Variants in KCNIP4 observed in about 807,000 individuals in gnomAD.
KCNIP4 encodes the protein Kv channel-interacting protein 4.
KCNIP4 carries 12 observed loss-of-function variants against 34.0 expected under a neutral mutation model. The observed-to-expected ratio is 0.35, with a 90% CI of 0.23 to 0.57. KCNIP4 has a LOEUF of 0.57. KCNIP4 is among the 20% of genes least tolerant of loss of function. The pLI, the probability that KCNIP4 is intolerant of heterozygous loss-of-function variation, is 0.83. For missense variants in KCNIP4, 238 were observed against 311.7 expected (o/e 0.76, Z 1.78); for synonymous variants, 124 against 102.2 (o/e 1.21, Z -1.29).
intron 1 of KCNIP4, among the ~76,000 whole-genome samples, chr4:21,437,704 G>T (rs950519517): frequency 6.6e-6 from 1 of 152,102 alleles, no homozygotes; most frequent in Admixed American, 6.5e-5. Flanking sequence ...AACTAAATAC[G>T]CAGTGATAGT....
intron 1 of KCNIP4, chr4:21,697,493 A>G (rs1043510952): frequency 6.6e-7 from 1 of 1,506,798 alleles, no homozygotes; most frequent in Non-Finnish European, 8.8e-7. Context: ...CAATAATAAT[A>G]ATAATAATAA....
chr4:20,852,135 C>T (rs1721101075), intron 2 of KCNIP4, among the ~76,000 whole-genome samples: 1 of 150,562 alleles, frequency 6.6e-6, no homozygotes, highest in African/African-American at 2.4e-5. Context: ...TTCTATGAAG[C>T]ATCACCCTAA....
At chr4:20,848,922 T>C (rs186355177) in intron 3 of KCNIP4, among the ~76,000 whole-genome samples, 36 of 152,288 alleles carry the variant, frequency 2.4e-4, no homozygotes, top group African/African-American at 7.9e-4. Flanking sequence ...GCACTGACTT[T>C]TGGCCCAGAT....
intron 1 of KCNIP4, among the ~76,000 whole-genome samples, chr4:21,753,709 A>G (rs951865382): frequency 6.6e-6 from 1 of 152,166 alleles, no homozygotes; most frequent in African/African-American, 2.4e-5. Flanking sequence ...ATCTCAAGCC[A>G]TGACCTGTGC....
At chr4:21,924,283 G>A (rs768010440) in intron 1 of KCNIP4, among the ~76,000 whole-genome samples, 9 of 130,176 alleles carry the variant, frequency 6.9e-5, no homozygotes, top group African/African-American at 1.2e-4. Flanking sequence ...TCGCTCTGTC[G>A]CCCAGGCTGG....
chr4:21,319,432 C>T (rs1007583931), intron 1 of KCNIP4, among the ~76,000 whole-genome samples: 1 of 152,154 alleles, frequency 6.6e-6, no homozygotes, highest in African/African-American at 2.4e-5. Context: ...TAGTTTATTC[C>T]TAGTACCTGC....
At chr4:20,815,798 C>T (rs141476221) in intron 3 of KCNIP4, among the ~76,000 whole-genome samples, 1 of 152,182 alleles carries the variant, frequency 6.6e-6, no homozygotes, top group Non-Finnish European at 1.5e-5. Flanking sequence ...AAAAACGCAA[C>T]AGTATTTTCA....
intron 3 of KCNIP4, among the ~76,000 whole-genome samples, chr4:20,791,087 A>C (rs187670101): frequency 2.0e-4 from 30 of 152,328 alleles, no homozygotes; most frequent in Admixed American, 7.8e-4. Flanking sequence ...TACATATACA[A>C]GGCAAACTAT....
chr4:21,567,862 C>A (rs1447931900), intron 1 of KCNIP4, among the ~76,000 whole-genome samples: 1 of 152,082 alleles, frequency 6.6e-6, no homozygotes, highest in African/African-American at 2.4e-5. Flanking sequence ...CATCTCAAAG[C>A]TTAACATTTT....
chr4:21,930,095 A>G (rs1000843952), intron 1 of KCNIP4, among the ~76,000 whole-genome samples: 7 of 152,130 alleles, frequency 4.6e-5, no homozygotes, highest in Non-Finnish European at 1.0e-4. Flanking sequence ...ATCAAGACAC[A>G]CACCTTCAAC....
At chr4:21,317,637 G>A (rs1459958430) in intron 1 of KCNIP4, among the ~76,000 whole-genome samples, 1 of 152,130 alleles carries the variant, frequency 6.6e-6, no homozygotes, top group Non-Finnish European at 1.5e-5. Flanking sequence ...TAATGGTGCT[G>A]GCCTTGCAGA....
chr4:20,887,987 A>G (rs937578286), intron 1 of KCNIP4, among the ~76,000 whole-genome samples: 1 of 152,054 alleles, frequency 6.6e-6, no homozygotes, highest in African/African-American at 2.4e-5. Flanking sequence ...TGATGCTTAC[A>G]TTTTACATGA....
chr4:21,699,312 G>T (rs1712637281), intron 1 of KCNIP4, among the ~76,000 whole-genome samples: 1 of 152,142 alleles, frequency 6.6e-6, no homozygotes, highest in African/African-American at 2.4e-5. Flanking sequence ...TTCCAGACAT[G>T]GTTCTATGTG....
intron 1 of KCNIP4, among the ~76,000 whole-genome samples, chr4:21,491,283 T>TA (rs1004313089): frequency 9.2e-5 from 14 of 152,116 alleles, no homozygotes; most frequent in Admixed American, 4.6e-4. Flanking sequence ...GGATGATCCT[T>TA]CATGGGTTTT....
chr4:21,917,129 T>TTTTG (rs11469594), intron 1 of KCNIP4, among the ~76,000 whole-genome samples: 42 of 151,554 alleles, frequency 2.8e-4, no homozygotes, highest in African/African-American at 8.7e-4. Context: ...CAGTTTTGTT[T>TTTTG]TTTGTTTGTT....
intron 1 of KCNIP4, among the ~76,000 whole-genome samples, chr4:21,741,343 G>A (rs114227438): frequency 1.4e-3 from 214 of 152,162 alleles, no homozygotes; most frequent in African/African-American, 4.2e-3. Flanking sequence ...ATAGCACCGT[G>A]GAAACAACTA....
At chr4:21,111,585 T>C (rs994893009) in intron 1 of KCNIP4, among the ~76,000 whole-genome samples, 1 of 152,172 alleles carries the variant, frequency 6.6e-6, no homozygotes, top group Non-Finnish European at 1.5e-5. Flanking sequence ...AGTCTCTCAG[T>C]TTCCCAAACT....
chr4:21,607,870 A>G (rs1743839019), intron 1 of KCNIP4, among the ~76,000 whole-genome samples: 1 of 152,142 alleles, frequency 6.6e-6, no homozygotes, highest in Non-Finnish European at 1.5e-5. Context: ...CTCTCTAGTA[A>G]CAAAGCTATT....
At chr4:20,737,638 C>G (rs1218591051) in intron 5 of KCNIP4, among the ~76,000 whole-genome samples, 1 of 152,068 alleles carries the variant, frequency 6.6e-6, no homozygotes, top group Non-Finnish European at 1.5e-5. Context: ...AGTGAGGAGC[C>G]TGGTAGAAGA....
Sources: gnomAD v4.1 joint callset for allele counts (sites outside exome capture counted in the v4.1 genomes callset) on GRCh38, gnomAD v4.1.1 for gene constraint, MANE v1.5 for transcripts, NCBI Gene and HGNC (gene_info 2026-07-23, HGNC 2026-07-21) for gene names.